The following SPOCK3 variants were observed in gnomAD, a reference collection of about 807,000 sequenced individuals.
The protein encoded by SPOCK3 is SPARC (osteonectin), cwcv and kazal like domains proteoglycan 3.
SPOCK3 carries 30 observed loss-of-function variants against 56.6 expected under a neutral mutation model. That is an observed-to-expected ratio of 0.53 (90% CI 0.40 to 0.72). SPOCK3 has a LOEUF of 0.72. Ranked by LOEUF, SPOCK3 falls within the 30% of genes least tolerant of loss-of-function variation. The pLI is 0.00. For synonymous variants in SPOCK3, 196 were observed against 183.3 expected (o/e 1.07, Z -0.56); for missense variants, 527 against 530.0 (o/e 0.99, Z 0.06).
intron 4 of SPOCK3, among the ~76,000 whole-genome samples, chr4:166,980,926 G>T (rs948397433): frequency 2.0e-5 from 3 of 152,186 alleles, no homozygotes; most frequent in African/African-American, 7.2e-5. Flanking sequence ...GGGGGAGGGG[G>T]TGTGTTTCAG....
chr4:167,055,320 A>G (rs1754674623), intron 3 of SPOCK3, among the ~76,000 whole-genome samples: 1 of 152,174 alleles, frequency 6.6e-6, no homozygotes, highest in South Asian at 2.1e-4. Context: ...TAGAGAGGGG[A>G]GCCAAGATGG....
chr4:166,994,660 A>G (rs1054308391), intron 4 of SPOCK3, among the ~76,000 whole-genome samples: 2 of 152,168 alleles, frequency 1.3e-5, no homozygotes, highest in African/African-American at 2.4e-5. Context: ...GTACTTCAAA[A>G]ATAAAGTCAA....
At chr4:166,821,067 G>T (rs1159861396) in intron 6 of SPOCK3, among the ~76,000 whole-genome samples, 3 of 151,826 alleles carry the variant, frequency 2.0e-5, no homozygotes, top group East Asian at 3.9e-4. Flanking sequence ...ATAATGAACT[G>T]CCAGAAAACA....
intron 9 of SPOCK3, among the ~76,000 whole-genome samples, chr4:166,739,452 A>G (rs996781736): frequency 6.6e-6 from 1 of 151,910 alleles, no homozygotes; most frequent in African/African-American, 2.4e-5. Context: ...TGTTGTCAAG[A>G]CTGATCTCAA....
chr4:166,952,615 C>G (rs916272416), intron 4 of SPOCK3, among the ~76,000 whole-genome samples: 1 of 152,062 alleles, frequency 6.6e-6, no homozygotes, highest in Non-Finnish European at 1.5e-5. Flanking sequence ...AAAAAGAGCC[C>G]GCATCGTCAA....
At chr4:166,997,827 G>A (rs1579946233) in intron 4 of SPOCK3, among the ~76,000 whole-genome samples, 1 of 152,112 alleles carries the variant, frequency 6.6e-6, no homozygotes, top group South Asian at 2.1e-4. Flanking sequence ...AGAAACAGCG[G>A]GTTTCCTTTC....
At chr4:167,133,187 G>C (rs1328482070) in intron 2 of SPOCK3, among the ~76,000 whole-genome samples, 1 of 152,082 alleles carries the variant, frequency 6.6e-6, no homozygotes, top group Non-Finnish European at 1.5e-5. Context: ...GATTATTCAG[G>C]TGGGCCCAAT....
chr4:166,877,760 C>T (rs10027880), intron 6 of SPOCK3, among the ~76,000 whole-genome samples: 111,927 of 152,056 alleles, frequency 0.74, 41,281 homozygotes, highest in East Asian at 0.81. Flanking sequence ...TTTGTAGTAA[C>T]AACTTCATTA....
intron 6 of SPOCK3, among the ~76,000 whole-genome samples, chr4:166,868,224 T>A (rs1732062361): frequency 6.7e-6 from 1 of 150,176 alleles, no homozygotes; most frequent in African/African-American, 2.5e-5. Flanking sequence ...GATGGGAGGA[T>A]CACATGAGAC....
chr4:167,188,157 A>G (rs2110824119), intron 2 of SPOCK3, among the ~76,000 whole-genome samples: 1 of 146,524 alleles, frequency 6.8e-6, no homozygotes, highest in African/African-American at 2.6e-5. Context: ...CATGCACGAA[A>G]GGTATATATG....
chr4:167,224,890 C>T (rs1432956016), intron 2 of SPOCK3, among the ~76,000 whole-genome samples: 1 of 152,138 alleles, frequency 6.6e-6, no homozygotes, highest in Non-Finnish European at 1.5e-5. Flanking sequence ...TGGTCTCGAT[C>T]TGCTGACCTC....
chr4:166,937,940 T>C (rs1379669840), intron 4 of SPOCK3, among the ~76,000 whole-genome samples: 1 of 149,160 alleles, frequency 6.7e-6, no homozygotes, highest in Admixed American at 6.8e-5. Context: ...ATCTCTTTTT[T>C]TTTTTTTTTT....
intron 6 of SPOCK3, among the ~76,000 whole-genome samples, chr4:166,852,300 T>A (rs1312401936): frequency 2.0e-5 from 3 of 151,748 alleles, no homozygotes; most frequent in Non-Finnish European, 2.9e-5. Context: ...AGTATAAAAA[T>A]AATAATAATA....
At chr4:167,121,874 T>A (rs1345167272) in intron 2 of SPOCK3, among the ~76,000 whole-genome samples, 3 of 152,116 alleles carry the variant, frequency 2.0e-5, no homozygotes, top group Non-Finnish European at 4.4e-5. Context: ...ATACTATATT[T>A]AATAAAACTA....
At chr4:167,082,926 C>T (rs1291401723) in intron 2 of SPOCK3, among the ~76,000 whole-genome samples, 1 of 151,546 alleles carries the variant, frequency 6.6e-6, no homozygotes, top group Non-Finnish European at 1.5e-5. Context: ...AAAGGCCAAC[C>T]GTGATACCGG....
At chr4:166,904,623 A>G (rs1186845248) in intron 5 of SPOCK3, among the ~76,000 whole-genome samples, 3 of 152,014 alleles carry the variant, frequency 2.0e-5, no homozygotes, top group African/African-American at 7.2e-5. Flanking sequence ...GATAAATACC[A>G]CATGTTCTCA....
chr4:167,060,465 G>T (rs1755473434), intron 3 of SPOCK3, among the ~76,000 whole-genome samples: 1 of 151,908 alleles, frequency 6.6e-6, no homozygotes, highest in Non-Finnish European at 1.5e-5. Context: ...CCTCAGTGTG[G>T]TCTACAACTA....
chr4:167,035,132 C>G (rs912078785), intron 3 of SPOCK3, among the ~76,000 whole-genome samples: 1 of 151,978 alleles, frequency 6.6e-6, no homozygotes, highest in African/African-American at 2.4e-5. Context: ...TAGGTCAACT[C>G]CAAATAGAAG....
intron 4 of SPOCK3, among the ~76,000 whole-genome samples, chr4:166,971,163 G>C (rs909991014): frequency 3.3e-5 from 5 of 152,216 alleles, no homozygotes; most frequent in African/African-American, 1.2e-4. Flanking sequence ...ATGTGACACA[G>C]AGAAAGGTAA....
Sources: gnomAD v4.1 joint callset for allele counts (sites outside exome capture counted in the v4.1 genomes callset) on GRCh38, gnomAD v4.1.1 for gene constraint, MANE v1.5 for transcripts, NCBI Gene and HGNC (gene_info 2026-07-23, HGNC 2026-07-21) for gene names.